The following IPCEF1 variants were observed in gnomAD, a reference collection of about 807,000 sequenced individuals.
The protein encoded by IPCEF1 is interaction protein for cytohesin exchange factors 1.
IPCEF1 carries 31 observed loss-of-function variants against 50.9 expected under a neutral mutation model. That is an observed-to-expected ratio of 0.61 (90% CI 0.46 to 0.82). The LOEUF is 0.82. IPCEF1 is among the 40% of genes least tolerant of loss of function. IPCEF1 has a pLI of 0.00. For missense variants in IPCEF1, 458 were observed against 514.0 expected, an observed-to-expected ratio of 0.89 and a Z score of 1.05; for synonymous variants, 181 against 192.0, an observed-to-expected ratio of 0.94 and a Z score of 0.47.
intron 10 of IPCEF1, among the ~76,000 whole-genome samples, chr6:154,178,803 C>G (rs1800578843): frequency 6.6e-6 from 1 of 152,174 alleles, no homozygotes; most frequent in Non-Finnish European, 1.5e-5. Flanking sequence ...CAAATTATCA[C>G]TCAGCTTCCT....
chr6:154,348,515 G>A (rs560231688), intron 1 of IPCEF1, among the ~76,000 whole-genome samples: 6 of 152,280 alleles, frequency 3.9e-5, no homozygotes, highest in East Asian at 1.9e-4. Flanking sequence ...GGCACATTAC[G>A]TGGAAAATAT....
At chr6:154,330,394 G>A (rs970614023) in intron 1 of IPCEF1, among the ~76,000 whole-genome samples, 4 of 139,556 alleles carry the variant, frequency 2.9e-5, no homozygotes, top group Non-Finnish European at 6.0e-5. Flanking sequence ...GAGTGCAGTG[G>A]CACAATCATA....
At chr6:154,164,505 G>A (rs12199124) in intron 11 of IPCEF1, among the ~76,000 whole-genome samples, 14,761 of 152,256 alleles carry the variant, frequency 0.097, 1,073 homozygotes, top group East Asian at 0.41. Context: ...TCTCCTGGAT[G>A]GCGCATGAGG....
At chr6:154,177,160 C>T (rs528346782) in intron 10 of IPCEF1, among the ~76,000 whole-genome samples, 14 of 152,226 alleles carry the variant, frequency 9.2e-5, no homozygotes, top group Middle Eastern at 3.4e-3. Flanking sequence ...AAGACTTAAA[C>T]GTAAGACCTA....
At chr6:154,301,016 T>G (rs1156866903) in intron 1 of IPCEF1, among the ~76,000 whole-genome samples, 2 of 152,184 alleles carry the variant, frequency 1.3e-5, no homozygotes, top group African/African-American at 4.8e-5. Flanking sequence ...TAAAACAAGT[T>G]AACTCGGCCA....
At chr6:154,248,828 G>C (rs1227711066) in intron 3 of IPCEF1, among the ~76,000 whole-genome samples, 2 of 151,940 alleles carry the variant, frequency 1.3e-5, no homozygotes, top group African/African-American at 4.8e-5. Flanking sequence ...AATCCTCTGA[G>C]AACTAAACAA....
At chr6:154,270,803 C>T (rs1328221830) in intron 2 of IPCEF1, among the ~76,000 whole-genome samples, 1 of 151,644 alleles carries the variant, frequency 6.6e-6, no homozygotes, top group Non-Finnish European at 1.5e-5. Context: ...TAGTGAAATC[C>T]CATCTCTGCC....
At chr6:154,345,889 G>A (rs572656396) in intron 1 of IPCEF1, among the ~76,000 whole-genome samples, 9 of 151,874 alleles carry the variant, frequency 5.9e-5, no homozygotes, top group Non-Finnish European at 1.3e-4. Context: ...TTTGTGAGAT[G>A]GGGTCTCACT....
In IPCEF1 at chr6:154,168,188, G is replaced by A; in HGVS notation, c.911-75C>T. 4 of 1,138,452 alleles carry A rather than the reference G, an allele frequency of 3.5e-6. No individual in the cohort carries two copies. Among genetic ancestry groups the A allele is most frequent in the Non-Finnish European group, 4.9e-6 (4 of 815,060 alleles). The allele number at this position is 1,138,452 out of a possible 1,614,324, so 70.5% of individuals were successfully genotyped here. On this transcript the variant is annotated intron_variant, in intron 10 of 11. Coordinates refer to ENST00000367220, the MANE Select transcript of IPCEF1 (RefSeq NM_001130700.2). This position sits in a 1 kb window ranked among gnomAD's most constrained non-coding sequence, Gnocchi z 4.1. ...CAAGGAGAGAACATTCAATACTGTGGTCCCAAGGCACGGCCCCACTGGCAC... is the reference window on the plus strand; with the variant it reads ...CAAGGAGAGAACATTCAATACTGTGATCCCAAGGCACGGCCCCACTGGCAC...
Position 154,289,765 on chromosome 6 carries a change from A to G in IPCEF1, c.-61-9T>C, listed in dbSNP as rs1356452307. 2.7e-4 allele frequency: 3 copies of G among 11,154 alleles called. No homozygotes were observed. The highest frequency in any genetic ancestry group is 2.8e-4 in the Non-Finnish European group (2 of 7,252). 0.7% of individuals were successfully genotyped at this position (11,154 alleles called of 1,614,324 possible). A position where few individuals can be genotyped will look rare whatever the true frequency, so the allele number is the denominator to read the frequency against. On this transcript the variant is annotated splice_polypyrimidine_tract_variant and intron_variant, in intron 1 of 11. Transcript: ENST00000367220. The stretch of plus-strand genomic sequence containing the variant: ...GTTCTGTTGCCTTTGACCTTTATGG[A>G]AAAAAAAAAAAAAAAAAGAGAGAGA...
chr6:154,261,513 A>C (rs958113695), intron 3 of IPCEF1, among the ~76,000 whole-genome samples: 1 of 152,190 alleles, frequency 6.6e-6, no homozygotes, highest in Non-Finnish European at 1.5e-5. Flanking sequence ...GTGAAGATGG[A>C]GAAATATTTA....
At chr6:154,255,871 A>G (rs1426752833) in intron 3 of IPCEF1, among the ~76,000 whole-genome samples, 3 of 152,180 alleles carry the variant, frequency 2.0e-5, no homozygotes, top group African/African-American at 7.2e-5. Flanking sequence ...TTAAAAACCA[A>G]CTGATACTTT....
intron 1 of IPCEF1, among the ~76,000 whole-genome samples, chr6:154,321,868 T>C (rs891561699): frequency 7.4e-5 from 11 of 149,132 alleles, no homozygotes; most frequent in African/African-American, 1.2e-4. Flanking sequence ...AGTCTTTTCA[T>C]GAGGACAATG....
At chr6:154,232,751 G>A (rs1208766363) in intron 5 of IPCEF1, among the ~76,000 whole-genome samples, 3 of 152,048 alleles carry the variant, frequency 2.0e-5, no homozygotes, top group African/African-American at 4.8e-5. Context: ...ACCTCTCTGA[G>A]TCACTGTACT....
rs1410424686 is a variant in IPCEF1 at position 154,157,744 on chromosome 6, C to G, written c.*2084G>C. The G allele has an allele frequency of 6.6e-6, 1 of 152,224 alleles. No individual in the cohort carries two copies. Among genetic ancestry groups the G allele is most frequent in the Non-Finnish European group, 1.5e-5 (1 of 68,040 alleles). 9.4% of individuals were successfully genotyped at this position (152,224 alleles called of 1,614,324 possible). A position where few individuals can be genotyped will look rare whatever the true frequency, so the allele number is the denominator to read the frequency against. On this transcript the variant is annotated 3_prime_UTR_variant, in exon 12 of 12. Coordinates refer to ENST00000367220, the MANE Select transcript of IPCEF1 (RefSeq NM_001130700.2). ...ACTTTATGTCACACTGTTATTTCTG[C>G]TATTGTTATTTGTTGTTCCTTCAAT...
intron 1 of IPCEF1, among the ~76,000 whole-genome samples, chr6:154,344,156 C>G (rs1488686946): frequency 6.6e-6 from 1 of 152,208 alleles, no homozygotes; most frequent in African/African-American, 2.4e-5. Flanking sequence ...GCACCTCTCC[C>G]TCTGTCTGTG....
intron 2 of IPCEF1, among the ~76,000 whole-genome samples, chr6:154,278,688 C>T (rs114956730): frequency 1.1e-3 from 167 of 152,122 alleles, no homozygotes; most frequent in African/African-American, 3.8e-3. Context: ...CACTTAACAA[C>T]ATTGTCTCAA....
At chr6:154,250,310 G>C (rs1781306026) in intron 3 of IPCEF1, among the ~76,000 whole-genome samples, 1 of 150,466 alleles carries the variant, frequency 6.6e-6, no homozygotes, top group Non-Finnish European at 1.5e-5. Context: ...TTTTTCAATA[G>C]GGGAAATTAT....
intron 1 of IPCEF1, among the ~76,000 whole-genome samples, chr6:154,304,859 A>C (rs1782891320): frequency 6.6e-6 from 1 of 152,222 alleles, no homozygotes; most frequent in Non-Finnish European, 1.5e-5. Flanking sequence ...CACGCCTGTA[A>C]TCCCAGCACT....
Sources: allele counts gnomAD v4.1 joint callset (sites outside exome capture counted in the v4.1 genomes callset), GRCh38; gene constraint gnomAD v4.1.1; non-coding constraint Gnocchi (gnomAD v3.1); transcripts MANE v1.5; gene names NCBI Gene and HGNC (gene_info 2026-07-23, HGNC 2026-07-21).